VMA12: variants seen among roughly 807,000 people sequenced by gnomAD.
VMA12 encodes vacuolar ATPase assembly protein VMA12.
chr17:28,358,003 C>G, the VMA12 span: 2 of 1,038,308 alleles, frequency 1.9e-6, no homozygotes, highest in African/African-American at 1.6e-5. Flanking sequence ...AAGAGTCACT[C>G]CATAAATCCC....
the VMA12 span, chr17:28,361,198 G>A: frequency 1.4e-5 from 22 of 1,614,116 alleles, no homozygotes; most frequent in Non-Finnish European, 1.9e-5. Context: ...TGGTGGGTCT[G>A]GCCGAGCTGT....
the VMA12 span, chr17:28,362,507 C>T: frequency 6.6e-6 from 1 of 151,892 alleles, no homozygotes; most frequent in East Asian, 1.9e-4. Flanking sequence ...ACTAAAAATA[C>T]AAAAAAATTA....
chr17:28,360,729 C>T, the VMA12 span: 3 of 1,613,574 alleles, frequency 1.9e-6, no homozygotes, highest in Non-Finnish European at 2.5e-6. Context: ...TGGCTCCTCC[C>T]CAAAGTGAGA....
the VMA12 span, chr17:28,358,984 C>T: frequency 5.0e-6 from 8 of 1,612,128 alleles, no homozygotes; most frequent in South Asian, 7.7e-5. Flanking sequence ...TGTGAAGCCT[C>T]CACGGGTATG....
the VMA12 span, chr17:28,358,972 G>A: frequency 9.3e-6 from 15 of 1,612,884 alleles, no homozygotes; most frequent in East Asian, 2.2e-4. Context: ...TCTCCCAGAG[G>A]TTGTGAAGCC....
the VMA12 span, chr17:28,359,445 C>T: frequency 6.3e-7 from 1 of 1,578,830 alleles, no homozygotes; most frequent in Non-Finnish European, 8.7e-7. Flanking sequence ...GGTAGCCCCT[C>T]AGAGTAGGGC....
chr17:28,358,813 G>A, the VMA12 span: 1 of 841,942 alleles, frequency 1.2e-6, no homozygotes, highest in Non-Finnish European at 1.9e-6. Context: ...TGTAGAGATG[G>A]CCCTGTTTTA....
At chr17:28,358,197 C>A in the VMA12 span, 4 of 420,530 alleles carry the variant, frequency 9.5e-6, no homozygotes, top group Non-Finnish European at 1.3e-5. Context: ...TCTTTTTCTC[C>A]ACTTTAGGAA....
chr17:28,357,781 G>A, the VMA12 span: 3 of 1,613,822 alleles, frequency 1.9e-6, no homozygotes, highest in Non-Finnish European at 2.5e-6. Context: ...TTGAGGCCGC[G>A]CTGGGGAAGA....
At chr17:28,358,540 A>G in the VMA12 span, 1 of 478,104 alleles carries the variant, frequency 2.1e-6, no homozygotes, top group Non-Finnish European at 4.3e-6. Context: ...AGAACTAGAA[A>G]GGACCTTAGA....
At chr17:28,359,532 G>A in the VMA12 span, 18 of 777,380 alleles carry the variant, frequency 2.3e-5, no homozygotes, top group Non-Finnish European at 3.5e-5. Context: ...ACCATAGGAA[G>A]TCTGCATACA....
chr17:28,361,900 CCTT>C, the VMA12 span: 2 of 152,510 alleles, frequency 1.3e-5, no homozygotes, highest in Non-Finnish European at 1.5e-5. Flanking sequence ...TCACTATGGT[CCTT>C]CTTCTGTTAA....
At chr17:28,363,662 A>G in the VMA12 span, 1 of 152,236 alleles carries the variant, frequency 6.6e-6, no homozygotes, top group Admixed American at 6.5e-5. Context: ...TCTTTGTGAA[A>G]ATTAAATCAA....
At chr17:28,359,193 T>TA in the VMA12 span, 1 of 1,100,682 alleles carries the variant, frequency 9.1e-7, no homozygotes. Flanking sequence ...GCACTGGAGT[T>TA]ACGACTAGTA....
chr17:28,361,304 A>G, the VMA12 span: 15 of 1,566,412 alleles, frequency 9.6e-6, no homozygotes, highest in East Asian at 6.7e-5. Flanking sequence ...TCAGGCTCCA[A>G]TTGGCAGTCA....
chr17:28,360,341 C>A, the VMA12 span: 1 of 565,798 alleles, frequency 1.8e-6, no homozygotes, highest in African/African-American at 1.9e-5. Flanking sequence ...TGGGTACTGG[C>A]AGCCTATGTC....
At chr17:28,357,703 G>A in the VMA12 span, 1 of 1,613,112 alleles carries the variant, frequency 6.2e-7, no homozygotes, top group Non-Finnish European at 8.5e-7. Flanking sequence ...GCGAGCGATT[G>A]GTGCGTGCTT....
chr17:28,360,675 A>G, the VMA12 span: 3 of 1,603,558 alleles, frequency 1.9e-6, no homozygotes, highest in African/African-American at 1.3e-5. Context: ...GAGCCATGAG[A>G]TAAGAGCACC....
At chr17:28,360,638 T>C in the VMA12 span, 1 of 1,608,028 alleles carries the variant, frequency 6.2e-7, no homozygotes, top group South Asian at 1.1e-5. Context: ...TCAGGCTTGT[T>C]GTTTGACTGA....
Sources: gnomAD v4.1 joint callset for allele counts on GRCh38, gnomAD v4.1.1 for gene constraint, MANE v1.5 for transcripts, NCBI Gene and HGNC (gene_info 2026-07-23, HGNC 2026-07-21) for gene names.